KLC1: variants seen among roughly 807,000 people sequenced by gnomAD.
KLC1 encodes the protein kinesin 2 60/70kDa.
A neutral mutation model predicts 84.2 loss-of-function variants in KLC1; 30 were observed. The observed-to-expected ratio is 0.36, with a 90% CI of 0.27 to 0.48. The LOEUF (loss-of-function observed/expected upper bound fraction) is 0.48. KLC1 is among the 20% of genes least tolerant of loss of function. The pLI, the probability that KLC1 is intolerant of heterozygous loss-of-function variation, is 0.99. For synonymous variants in KLC1, 289 were observed against 293.3 expected, an observed-to-expected ratio of 0.99 and a Z score of 0.15; for missense variants, 499 against 805.4, an observed-to-expected ratio of 0.62 and a Z score of 4.60.
At chr14:103,698,901 C>CG (rs1567047536) in intron 15 of KLC1, 2 of 1,602,348 alleles carry the variant, frequency 1.2e-6, no homozygotes, top group South Asian at 2.2e-5. Context: ...CCGCAGGGTC[C>CG]GGGCTGGGCA....
chr14:103,696,854 G>C, intron 15 of KLC1: 1 of 978,880 alleles, frequency 1.0e-6, no homozygotes, highest in Non-Finnish European at 1.2e-6. Context: ...TCCCCAGGGC[G>C]TGGTGCCTCC....
chr14:103,671,795 A>G (rs1359636321), intron 7 of KLC1, among the ~76,000 whole-genome samples: 3 of 152,240 alleles, frequency 2.0e-5, no homozygotes, highest in Non-Finnish European at 2.9e-5. Context: ...TTATCAAATT[A>G]TACAGGTAAT....
At position 103,692,373 on chromosome 14, in the gene KLC1, GCT is replaced by G; in HGVS notation, c.1801_1802del (p.Leu601GlufsTer4). 2.0e-6 allele frequency: 3 copies of G among 1,536,674 alleles called. No homozygotes were observed. Among genetic ancestry groups the G allele is most frequent in the Non-Finnish European group, 2.6e-6 (3 of 1,147,014 alleles). On this transcript the variant is annotated frameshift_variant, in exon 15 of 17. Transcript: ENST00000334553. LOFTEE classifies it high-confidence loss of function. ...CCGGGTTGCAGCATGAAGCGTGCCA[GCT>G]CTCTGAATGTCCTTAACGTGGGTGG...
intron 15 of KLC1, chr14:103,699,502 G>C: frequency 6.2e-7 from 1 of 1,612,926 alleles, no homozygotes; most frequent in Non-Finnish European, 8.5e-7. Flanking sequence ...CCACCGAGTC[G>C]ATGACCACCA....
chr14:103,646,853 C>T (rs2077981157), intron 1 of KLC1, among the ~76,000 whole-genome samples: 1 of 152,040 alleles, frequency 6.6e-6, no homozygotes, highest in Non-Finnish European at 1.5e-5. Flanking sequence ...TTCAAGGGAT[C>T]CTCCCACCTC....
intron 15 of KLC1, chr14:103,698,874 TGGG>T (rs1251835140): frequency 6.2e-7 from 1 of 1,605,794 alleles, no homozygotes; most frequent in Admixed American, 1.7e-5. Context: ...GGGGGGCAGG[TGGG>T]GGGCAGAGAG....
At position 103,679,550 on chromosome 14, in the gene KLC1, G is replaced by A. The variant is rs2081184147; in HGVS notation, c.1650+5G>A. On this transcript the variant is annotated splice_donor_5th_base_variant and intron_variant, in intron 13 of 16. Coordinates refer to ENST00000334553, the MANE Select transcript of KLC1 (RefSeq NM_001394837.1). ...ATGAGCGTAGAGTGGAACGGGGTAAGTACAGTACACAGCGGGCACGTGCTC... is the reference window on the plus strand; with the variant it reads ...ATGAGCGTAGAGTGGAACGGGGTAAATACAGTACACAGCGGGCACGTGCTC... 3.1e-6 allele frequency: 5 copies of A among 1,611,470 alleles called. No individual in the cohort carries two copies. Among genetic ancestry groups the A allele is most frequent in the East Asian group, 2.2e-5 (1 of 44,858 alleles).
Position 103,692,401 on chromosome 14 carries a change from C to G in KLC1, c.1824C>G (p.Gly608=), listed in dbSNP as rs1159014831. The G allele has an allele frequency of 1.3e-6, 2 of 1,536,652 alleles. No individual in the cohort carries two copies. Among genetic ancestry groups the G allele is most frequent in the Non-Finnish European group, 1.7e-6 (2 of 1,147,004 alleles). The change falls in exon 15 of 17, where the codon GGC becomes GGG. Residue 608 remains glycine (G), a synonymous_variant. Transcript: ENST00000334553. ...ASSLNVLNVG[G]KAAEDRFQGV... ...CTCTGAATGTCCTTAACGTGGGTGG[C>G]AAGGCTGCTGAAGATCGCTTTCAAG...
intron 1 of KLC1, among the ~76,000 whole-genome samples, chr14:103,638,482 A>G (rs1163219685): frequency 6.7e-6 from 1 of 149,536 alleles, no homozygotes; most frequent in African/African-American, 2.4e-5. Flanking sequence ...CCATCTATCT[A>G]ATTCCACACA....
chr14:103,671,358 A>G (rs1333312730), intron 7 of KLC1, among the ~76,000 whole-genome samples: 1 of 151,964 alleles, frequency 6.6e-6, no homozygotes, highest in Non-Finnish European at 1.5e-5. Context: ...CTATCCGATG[A>G]GTGACCACAA....
chr14:103,657,671 G>A lies in KLC1; in HGVS notation c.387G>A (p.Gln129=), dbSNP rs769330470. 5 of 1,614,212 alleles carry A rather than the reference G, an allele frequency of 3.1e-6. No homozygotes were observed. In the South Asian group the frequency reaches 4.4e-5, roughly 14 times the overall value. The change falls in exon 3 of 17, where the codon CAG becomes CAA. Residue 129 remains glutamine (Q), a synonymous_variant. Coordinates refer to ENST00000334553, the MANE Select transcript of KLC1 (RefSeq NM_001394837.1). ...GGGATGAACTGGCCAACACGCAGCA[G>A]AAACTGCAGAAGAGTGAGCAGTCTG... The part of the protein sequence containing the change: ...WLRDELANTQ[Q]KLQKSEQSVA...
chr14:103,635,761 A>G (rs1388351348), intron 1 of KLC1, among the ~76,000 whole-genome samples: 4 of 148,700 alleles, frequency 2.7e-5, no homozygotes, highest in African/African-American at 7.6e-5. Flanking sequence ...CTCAAAAAGA[A>G]AAAAAAAAAG....
intron 15 of KLC1, chr14:103,699,535 C>T (rs1011151244): frequency 1.2e-6 from 2 of 1,613,558 alleles, no homozygotes; most frequent in Non-Finnish European, 8.5e-7. Context: ...CCCGAGACAG[C>T]AGTACGGGGA....
At chr14:103,687,936 A>G (rs187415051) in intron 14 of KLC1, 2 of 152,274 alleles carry the variant, frequency 1.3e-5, no homozygotes, top group East Asian at 3.9e-4. Flanking sequence ...CATGAGGCAG[A>G]CTTTTGCCAG....
chr14:103,648,143 G>T (rs1272910279), intron 1 of KLC1, among the ~76,000 whole-genome samples: 1 of 151,930 alleles, frequency 6.6e-6, no homozygotes, highest in East Asian at 2.0e-4. Context: ...TAGAGACGGG[G>T]TTTCACCATG....
chr14:103,650,930 C>T (rs933762779), intron 1 of KLC1, among the ~76,000 whole-genome samples: 3 of 152,014 alleles, frequency 2.0e-5, no homozygotes, highest in African/African-American at 7.2e-5. Context: ...ATAGTTTTCC[C>T]TCAGAAACGC....
intron 5 of KLC1, 106 bp downstream of exon 5, chr14:103,663,033 C>A: frequency 1.4e-6 from 1 of 691,942 alleles, no homozygotes; most frequent in Non-Finnish European, 2.3e-6. Context: ...TATTTTTCAA[C>A]CATATCCACT....
At chr14:103,678,740 G>A (rs1756024794) in intron 12 of KLC1, among the ~76,000 whole-genome samples, 1 of 151,968 alleles carries the variant, frequency 6.6e-6, no homozygotes, top group Admixed American at 6.6e-5. Context: ...TGCAACAGGG[G>A]AAGATATTTG....
intron 1 of KLC1, among the ~76,000 whole-genome samples, chr14:103,633,218 C>T (rs142298045): frequency 5.3e-5 from 8 of 152,108 alleles, no homozygotes; most frequent in Admixed American, 6.6e-5. Context: ...CCACCACATC[C>T]GGCTAATTTT....
Sources: allele counts gnomAD v4.1 joint callset (sites outside exome capture counted in the v4.1 genomes callset), GRCh38; gene constraint gnomAD v4.1.1; transcripts MANE v1.5; gene names NCBI Gene and HGNC (gene_info 2026-07-23, HGNC 2026-07-21).